FNIP1: variants seen among roughly 807,000 people sequenced by gnomAD.
The protein encoded by FNIP1 is folliculin interacting protein 1.
Under a neutral mutation model 124.5 loss-of-function variants are expected in FNIP1, and 40 were observed. The observed-to-expected ratio is 0.32, with a 90% CI of 0.25 to 0.42. FNIP1 has a LOEUF of 0.42. Among genes scored for constraint, FNIP1 ranks in the 10% least tolerant of loss-of-function variants. The probability of loss-of-function intolerance (pLI) is 1.00; values close to 1 mark genes in which losing one functional copy is unlikely to be tolerated. For synonymous variants in FNIP1, 472 were observed against 470.6 expected, an observed-to-expected ratio of 1.00 and a Z score of -0.04; for missense variants, 1,176 against 1,403.7, an observed-to-expected ratio of 0.84 and a Z score of 2.59.
At chr5:131,767,476 CAGGT>C (rs1771477013) in intron 1 of FNIP1, among the ~76,000 whole-genome samples, 1 of 142,144 alleles carries the variant, frequency 7.0e-6, no homozygotes, top group African/African-American at 2.6e-5. Flanking sequence ...TGTTCTTAAG[CAGGT>C]AGGACCATCA....
intron 5 of FNIP1, 41 bp downstream of exon 5, chr5:131,718,945 T>G (rs756559000): frequency 4.5e-6 from 7 of 1,547,492 alleles, no homozygotes; most frequent in Non-Finnish European, 6.2e-6. Context: ...ACTTTGCACA[T>G]CTAAAGTGAT....
intron 2 of FNIP1, among the ~76,000 whole-genome samples, chr5:131,742,641 A>C (rs1157705800): frequency 6.6e-6 from 1 of 152,260 alleles, no homozygotes. Flanking sequence ...TTACCACAGC[A>C]AAATAGAATA....
chr5:131,765,450 C>T (rs539105300), intron 1 of FNIP1, among the ~76,000 whole-genome samples: 1 of 152,164 alleles, frequency 6.6e-6, no homozygotes, highest in African/African-American at 2.4e-5. Context: ...TTTAGGCAAA[C>T]CCTGAGGATA....
At chr5:131,710,753 G>A (rs1413075554) in intron 6 of FNIP1, 92 bp from the exon 7 acceptor site, 3 of 973,578 alleles carry the variant, frequency 3.1e-6, no homozygotes, top group African/African-American at 1.7e-5. Flanking sequence ...GGCAGCACAA[G>A]AGCAGACCAA....
At chr5:131,755,420 TA>T (rs544194641) in intron 1 of FNIP1, among the ~76,000 whole-genome samples, 149 of 118,840 alleles carry the variant, frequency 1.3e-3, no homozygotes, top group Middle Eastern at 4.1e-3. Context: ...GACTCAATCT[TA>T]AAAAAAAAAA....
chr5:131,695,450 A>G (rs1768661555), intron 11 of FNIP1, among the ~76,000 whole-genome samples: 1 of 152,200 alleles, frequency 6.6e-6, no homozygotes, highest in African/African-American at 2.4e-5. Context: ...CCCACTCTCA[A>G]TATTCCAGAA....
At chr5:131,770,810 G>A (rs1412202586) in intron 1 of FNIP1, among the ~76,000 whole-genome samples, 2 of 152,148 alleles carry the variant, frequency 1.3e-5, no homozygotes, top group Non-Finnish European at 2.9e-5. Context: ...ATTATCACGT[G>A]AAGAAAAGCA....
intron 6 of FNIP1, among the ~76,000 whole-genome samples, chr5:131,711,308 C>T (rs1320650433): frequency 1.3e-5 from 2 of 152,186 alleles, no homozygotes; most frequent in East Asian, 3.8e-4. Flanking sequence ...AGAGAAGTGG[C>T]TGCCACATGC....
intron 15 of FNIP1, among the ~76,000 whole-genome samples, chr5:131,655,242 T>A (rs1489073591): frequency 6.6e-6 from 1 of 152,114 alleles, no homozygotes; most frequent in East Asian, 1.9e-4. Context: ...CACAGTAGTG[T>A]GCATTTGTAA....
intron 11 of FNIP1, among the ~76,000 whole-genome samples, chr5:131,687,900 G>A (rs1256504965): frequency 6.6e-6 from 1 of 152,156 alleles, no homozygotes; most frequent in Non-Finnish European, 1.5e-5. Flanking sequence ...CAGAGGTAGT[G>A]ACAAAGTAAC....
intron 15 of FNIP1, among the ~76,000 whole-genome samples, chr5:131,661,153 G>A (rs1425988294): frequency 6.6e-6 from 1 of 151,692 alleles, no homozygotes; most frequent in African/African-American, 2.4e-5. Context: ...GAGAATAGAA[G>A]CATACTCTTA....
At chr5:131,790,541 C>G (rs1772376284) in intron 1 of FNIP1, among the ~76,000 whole-genome samples, 1 of 147,170 alleles carries the variant, frequency 6.8e-6, no homozygotes, top group South Asian at 2.2e-4. Flanking sequence ...ACCTAGGCAT[C>G]TATTCCCCAT....
intron 6 of FNIP1, among the ~76,000 whole-genome samples, chr5:131,713,820 A>G (rs1203538609): frequency 2.0e-5 from 3 of 152,184 alleles, no homozygotes; most frequent in African/African-American, 7.2e-5. Context: ...CTCAACAACT[A>G]TCCCCACTGA....
rs374531661 is a variant in FNIP1 at position 131,705,462 on chromosome 5, G to GGGAAA, written c.914+944_914+948dup. Among the ~76,000 whole-genome samples, 667 of 151,844 alleles carry GGGAAA rather than the reference G, an allele frequency of 4.4e-3. 12 individuals are homozygous for GGGAAA. Among genetic ancestry groups the GGGAAA allele is most frequent in the African/African-American group, 0.016 (648 of 41,374 alleles). On this transcript the variant is annotated intron_variant, in intron 9 of 17. Transcript: ENST00000510461. ...GCACTCCAGCCTGGGCGACTCAAAAGGGAAAGAAAAGAAAAGAATAGAAAA... is the reference window on the plus strand; with the variant it reads ...GCACTCCAGCCTGGGCGACTCAAAAGGGAAAGGAAAGAAAAGAAAAGAATAGAAAA...
chr5:131,750,181 C>G (rs1770823213), intron 1 of FNIP1, among the ~76,000 whole-genome samples: 1 of 151,980 alleles, frequency 6.6e-6, no homozygotes, highest in Non-Finnish European at 1.5e-5. Context: ...AAAAGGAAGG[C>G]TATGGAAATG....
At chr5:131,786,339 T>C (rs1162915790) in intron 1 of FNIP1, among the ~76,000 whole-genome samples, 1 of 152,154 alleles carries the variant, frequency 6.6e-6, no homozygotes, top group Non-Finnish European at 1.5e-5. Context: ...TATAGATATA[T>C]AAAAATGCAA....
chr5:131,669,546 C>T (rs927096593), intron 15 of FNIP1, among the ~76,000 whole-genome samples: 2 of 151,800 alleles, frequency 1.3e-5, no homozygotes, highest in African/African-American at 4.8e-5. Flanking sequence ...TAATGAAATC[C>T]ATGACATTAA....
chr5:131,781,690 TC>T (rs1561705343), intron 1 of FNIP1, among the ~76,000 whole-genome samples: 1 of 152,186 alleles, frequency 6.6e-6, no homozygotes, highest in Admixed American at 6.5e-5. Context: ...ATATTACTAC[TC>T]ATTAACAATG....
At chr5:131,760,756 T>C (rs1047128756) in intron 1 of FNIP1, among the ~76,000 whole-genome samples, 6 of 151,906 alleles carry the variant, frequency 3.9e-5, no homozygotes, top group African/African-American at 1.5e-4. Context: ...TGCTCCTACA[T>C]GGAATAGAAA....
Sources: gnomAD v4.1 joint callset for allele counts (sites outside exome capture counted in the v4.1 genomes callset) on GRCh38, gnomAD v4.1.1 for gene constraint, MANE v1.5 for transcripts, NCBI Gene and HGNC (gene_info 2026-07-23, HGNC 2026-07-21) for gene names.